The following EBF1 variants were observed in gnomAD, a reference collection of about 807,000 sequenced individuals.
The protein encoded by EBF1 is EBF transcription factor 1.
In EBF1, 10 loss-of-function variants were observed where a neutral mutation model predicts 68.4. That is an observed-to-expected ratio of 0.15 (90% CI 0.09 to 0.25). The LOEUF (loss-of-function observed/expected upper bound fraction) is 0.25, where lower values mean the gene tolerates loss of function less well. EBF1 is among the 10% of genes least tolerant of loss of function. The pLI, the probability that EBF1 is intolerant of heterozygous loss-of-function variation, is 1.00. For missense variants in EBF1, 509 were observed against 794.4 expected, an observed-to-expected ratio of 0.64 and a Z score of 4.32; for synonymous variants, 298 against 299.8, an observed-to-expected ratio of 0.99 and a Z score of 0.06.
chr5:159,009,061 G>A (rs1314504750), intron 6 of EBF1, among the ~76,000 whole-genome samples: 3 of 152,144 alleles, frequency 2.0e-5, no homozygotes, highest in East Asian at 1.9e-4. Flanking sequence ...TCAACTACAG[G>A]AGCTCTGCTT....
intron 10 of EBF1, among the ~76,000 whole-genome samples, chr5:158,746,790 G>T (rs776178619): frequency 1.1e-4 from 17 of 152,190 alleles, no homozygotes; most frequent in Non-Finnish European, 2.2e-4. Context: ...GTGAGATATT[G>T]TTGCTGGCTT....
chr5:158,743,370 T>G (rs1037995353), intron 10 of EBF1, among the ~76,000 whole-genome samples: 1 of 152,176 alleles, frequency 6.6e-6, no homozygotes, highest in Non-Finnish European at 1.5e-5. Flanking sequence ...TTGGGCAGAG[T>G]ACAGCTTAAC....
chr5:158,840,144 C>T (rs772253831), intron 6 of EBF1, 34 bp from the exon 7 acceptor site: 29 of 1,556,784 alleles, frequency 1.9e-5, no homozygotes, highest in East Asian at 9.0e-5. Flanking sequence ...GTTAGCATTT[C>T]GGTTTCTGAC....
rs58435135 is a variant in EBF1, at chr5:158,695,988, CA to C, written c.*3122del. On this transcript the variant is annotated 3_prime_UTR_variant, in exon 16 of 16. Transcript: ENST00000313708. The stretch of plus-strand genomic sequence containing the variant: ...AAAGTTTTTACAGCTTGAATTTTTG[CA>C]AAAAAAAAAAAAAAATTTAACAATC... 19,738 of 149,170 alleles carry C rather than the reference CA, an allele frequency of 0.13. 2,132 individuals are homozygous for C. The highest frequency in any genetic ancestry group is 0.37 in the African/African-American group (13,629 of 36,950). 9.2% of individuals were successfully genotyped at this position (149,170 alleles called of 1,614,324 possible).
At chr5:158,714,310 G>T in intron 11 of EBF1, 128 bp from the exon 12 acceptor site, 1 of 996,898 alleles carries the variant, frequency 1.0e-6, no homozygotes, top group Non-Finnish European at 1.6e-6. Context: ...GTAGCTTGGG[G>T]AACCCCAGAA....
rs910663781 is a variant in EBF1, at chr5:159,012,876, G to A, written c.554+60520C>T. ...TGGGCCTTAATCCAATATGACTGGTGTCCTTATAAGAGGAAGACATTAAAA... is the reference window on the plus strand; with the variant it reads ...TGGGCCTTAATCCAATATGACTGGTATCCTTATAAGAGGAAGACATTAAAA... On this transcript the variant is annotated intron_variant, in intron 6 of 15. Coordinates refer to ENST00000313708, the MANE Select transcript of EBF1 (RefSeq NM_024007.5). 6.6e-5 allele frequency among the ~76,000 whole-genome samples: 10 copies of A among 152,158 alleles called. 1 individual carries two copies. The highest frequency in any genetic ancestry group is 2.2e-4 in the African/African-American group (9 of 41,422).
At chr5:159,034,144 T>C (rs992460225) in intron 6 of EBF1, among the ~76,000 whole-genome samples, 10 of 152,216 alleles carry the variant, frequency 6.6e-5, no homozygotes, top group African/African-American at 2.4e-4. Flanking sequence ...ATTGATTTTA[T>C]TGGGCTTATT....
At chr5:158,932,208 C>T (rs1227012770) in intron 6 of EBF1, among the ~76,000 whole-genome samples, 1 of 152,064 alleles carries the variant, frequency 6.6e-6, no homozygotes, top group Non-Finnish European at 1.5e-5. Context: ...CTTATCAAAG[C>T]ATTATTTATA....
chr5:158,750,162 G>T (rs1353432315), intron 10 of EBF1, among the ~76,000 whole-genome samples: 1 of 152,112 alleles, frequency 6.6e-6, no homozygotes, highest in African/African-American at 2.4e-5. Context: ...AATCAATTCT[G>T]TAAACAGCAG....
chr5:158,702,980 T>C (rs1043092874), intron 15 of EBF1, among the ~76,000 whole-genome samples: 1 of 152,278 alleles, frequency 6.6e-6, no homozygotes, highest in African/African-American at 2.4e-5. Flanking sequence ...GAAATTACTC[T>C]GGCCTTTTTG....
chr5:158,786,779 G>GT (rs1306285273), intron 9 of EBF1, among the ~76,000 whole-genome samples: 1 of 152,174 alleles, frequency 6.6e-6, no homozygotes, highest in Non-Finnish European at 1.5e-5. Context: ...ATGAATGCTT[G>GT]TTATCAACAT....
intron 8 of EBF1, among the ~76,000 whole-genome samples, chr5:158,807,354 C>T (rs764952853): frequency 6.6e-6 from 1 of 152,168 alleles, no homozygotes; most frequent in Non-Finnish European, 1.5e-5. Flanking sequence ...AGAGTATGTG[C>T]TTCATCCAAA....
chr5:158,833,167 G>T (rs1295450560), intron 7 of EBF1, among the ~76,000 whole-genome samples: 1 of 151,724 alleles, frequency 6.6e-6, no homozygotes, highest in Non-Finnish European at 1.5e-5. Context: ...TTAGCCAGGG[G>T]TGGTGGTGCG....
chr5:159,051,416 C>G (rs1351095242), intron 6 of EBF1, among the ~76,000 whole-genome samples: 1 of 132,992 alleles, frequency 7.5e-6, no homozygotes. Flanking sequence ...CTCCCCCTCC[C>G]CCCCGCTCCC....
intron 9 of EBF1, among the ~76,000 whole-genome samples, chr5:158,795,390 G>A (rs756996146): frequency 5.9e-5 from 9 of 152,136 alleles, no homozygotes; most frequent in South Asian, 2.1e-4. Context: ...TATCTACCTC[G>A]TAGTGTAGAA....
chr5:158,902,327 G>C (rs553772556), intron 6 of EBF1, among the ~76,000 whole-genome samples: 93 of 151,956 alleles, frequency 6.1e-4, no homozygotes, highest in African/African-American at 2.1e-3. Context: ...TACTGAGCAA[G>C]AGTATTGATG....
intron 6 of EBF1, among the ~76,000 whole-genome samples, chr5:158,993,074 G>T (rs1760705302): frequency 6.6e-6 from 1 of 150,846 alleles, no homozygotes. Flanking sequence ...GATTACAGGT[G>T]CACGCTGCTA....
chr5:158,991,987 C>T (rs1760419891), intron 6 of EBF1, among the ~76,000 whole-genome samples: 1 of 152,152 alleles, frequency 6.6e-6, no homozygotes, highest in Admixed American at 6.5e-5. Context: ...CAGTCTCCTC[C>T]TCTATTAAAA....
At chr5:158,921,587 G>A (rs1243976138) in intron 6 of EBF1, among the ~76,000 whole-genome samples, 1 of 152,210 alleles carries the variant, frequency 6.6e-6, no homozygotes, top group Non-Finnish European at 1.5e-5. Flanking sequence ...ATCACCTAAT[G>A]CAATCTGTGA....
Sources: allele counts gnomAD v4.1 joint callset (sites outside exome capture counted in the v4.1 genomes callset), GRCh38; gene constraint gnomAD v4.1.1; transcripts MANE v1.5; gene names NCBI Gene and HGNC (gene_info 2026-07-23, HGNC 2026-07-21).